The following EPHA10 variants were observed in gnomAD, a reference collection of about 807,000 sequenced individuals.
EPHA10 encodes EPH receptor A10, also known as ephrin type-A receptor 10.
Under a neutral mutation model 109.7 loss-of-function variants are expected in EPHA10, and 120 were observed. The ratio of observed to expected loss-of-function variants is 1.09; its 90% CI spans 0.94 to 1.27. The LOEUF is 1.27. Ranked by LOEUF, EPHA10 falls within the 50% of genes most tolerant of loss-of-function variation. The pLI is 0.00. For missense variants in EPHA10, 1,396 were observed against 1,411.1 expected, an observed-to-expected ratio of 0.99 and a Z score of 0.17; for synonymous variants, 640 against 618.9, an observed-to-expected ratio of 1.03 and a Z score of -0.51.
intron 3 of EPHA10, among the ~76,000 whole-genome samples, chr1:37,757,321 G>T (rs1442812178): frequency 6.6e-6 from 1 of 152,172 alleles, no homozygotes; most frequent in Non-Finnish European, 1.5e-5. Flanking sequence ...AGGGAAGCTT[G>T]TGTTAGCTGC....
rs1417904222 is a variant in EPHA10 at position 37,753,236 on chromosome 1, C to T, written c.1007-10G>A. On this transcript the variant is annotated splice_polypyrimidine_tract_variant and intron_variant, in intron 4 of 16. Transcript: ENST00000373048. ...GGCGCCGACGGCGGCCCTGAGGCGG[C>T]ACAGGGGCGGGGCGGTCAGGGCGGG... 3.1e-6 allele frequency: 4 copies of T among 1,299,506 alleles called. No individual in the cohort carries two copies. The highest frequency in any genetic ancestry group is 6.4e-5 in the East Asian group (2 of 31,114). The allele number at this position is 1,299,506 out of a possible 1,614,324, so 80.5% of individuals were successfully genotyped here.
chr1:37,757,880 C>G (rs1236401345), intron 3 of EPHA10, among the ~76,000 whole-genome samples: 2 of 152,204 alleles, frequency 1.3e-5, no homozygotes, highest in African/African-American at 4.8e-5. Context: ...TGATAATTCC[C>G]TCAACATCTG....
At chr1:37,755,657 A>G (rs1015626698) in intron 3 of EPHA10, among the ~76,000 whole-genome samples, 3 of 152,186 alleles carry the variant, frequency 2.0e-5, no homozygotes, top group Non-Finnish European at 2.9e-5. Context: ...ACCTACCTCA[A>G]AAAGGTTGTT....
chr1:37,731,588 G>A lies in EPHA10; in HGVS notation c.1492-6C>T. The A allele has an allele frequency of 6.2e-7, 1 of 1,600,050 alleles. No individual in the cohort carries two copies. Among genetic ancestry groups the A allele is most frequent in the South Asian group, 1.1e-5 (1 of 89,462 alleles). Reference sequence around the variant, plus strand: ...TAAGTCTGCTCACTCTGACCCTGGAGAGAGATCAAGAAGTGAAGCCCACCA... The same window carrying A: ...TAAGTCTGCTCACTCTGACCCTGGAAAGAGATCAAGAAGTGAAGCCCACCA... On this transcript the variant is annotated splice_polypyrimidine_tract_variant and splice_region_variant and intron_variant, in intron 6 of 16. Coordinates refer to ENST00000373048, the MANE Select transcript of EPHA10 (RefSeq NM_001099439.2).
In EPHA10 at chr1:37,719,432, G is replaced by A; in HGVS notation, c.2738C>T (p.Ala913Val). 1 of 1,613,256 alleles carries A rather than the reference G, an allele frequency of 6.2e-7. No individual in the cohort carries two copies. The highest frequency in any genetic ancestry group is 8.5e-7 in the Non-Finnish European group (1 of 1,179,956). ...MVQDPEPPKC[A>V]LTTCPRPPTP... The stretch of plus-strand genomic sequence containing the variant: ...AACGTACCTGGGACAGGTAGTCAGG[G>A]CACACTTGGGGGGCTCTGGGTCCTG... The change falls in exon 15 of 17, where the codon GCC becomes GTC. Residue 913 changes from alanine to valine, a missense_variant. By Grantham distance (64) the Ala-to-Val change is moderately conservative (BLOSUM62 0). Coordinates refer to ENST00000373048, the MANE Select transcript of EPHA10 (RefSeq NM_001099439.2).
At chr1:37,747,620 T>G (rs1277591032) in intron 5 of EPHA10, among the ~76,000 whole-genome samples, 1 of 147,686 alleles carries the variant, frequency 6.8e-6, no homozygotes, top group Non-Finnish European at 1.5e-5. Context: ...TCATAAAATA[T>G]AGCCGGGCAT....
downstream of EPHA10, chr1:37,714,638 G>C (rs1645665983): frequency 6.6e-6 from 1 of 152,196 alleles, no homozygotes; most frequent in Non-Finnish European, 1.5e-5. Context: ...CCCTTTAAAG[G>C]GGTGATTAAG....
intron 2 of EPHA10, 139 bp from the exon 3 acceptor site, chr1:37,762,222 T>C (rs1646440334): frequency 3.7e-6 from 3 of 808,576 alleles, no homozygotes; most frequent in Non-Finnish European, 5.6e-6. Flanking sequence ...GGGAGAAACT[T>C]TGGAAACAAA....
rs1442448354 is a variant in EPHA10, at chr1:37,718,480, C to T, written c.2919G>A (p.Leu973=). ...EAVAEMTAQD[L]VSLGISLAEH... ...CAGCCAAAGAGATGCCTAGGCTCACCAGGTCCCTGAAACAAAGGCTGGTCA... is the reference window on the plus strand; with the variant it reads ...CAGCCAAAGAGATGCCTAGGCTCACTAGGTCCCTGAAACAAAGGCTGGTCA... Residue 973 remains leucine (L), a synonymous_variant, in exon 17 of 17, where the codon CTG becomes CTA. Transcript: ENST00000373048. 1.9e-6 allele frequency: 3 copies of T among 1,613,422 alleles called. No individual in the cohort carries two copies. The African/African-American group carries it at 4.0e-5, about 21-fold the overall frequency.
rs1315427982 is a variant in EPHA10 at position 37,719,996 on chromosome 1, A to C, written c.2475T>G (p.Ser825=). 6.2e-7 allele frequency: 1 copy of C among 1,613,950 alleles called. No homozygotes were observed. Among genetic ancestry groups the C allele is most frequent in the Non-Finnish European group, 8.5e-7 (1 of 1,180,050 alleles). The change falls in exon 14 of 17, where the codon TCT becomes TCG. Residue 825 remains serine (S), a synonymous_variant. Coordinates refer to ENST00000373048, the MANE Select transcript of EPHA10 (RefSeq NM_001099439.2). The part of the protein sequence containing the change: ...PETLQFGHFS[S]ASDVWSFGII... ...TGCCGAAGCTCCACACGTCACTGGC[A>C]GAGCTGAAGTGGCCAAACTGAAGTG...
chr1:37,725,815 T>C (rs1323120422), intron 8 of EPHA10, among the ~76,000 whole-genome samples: 2 of 151,884 alleles, frequency 1.3e-5, no homozygotes, highest in Admixed American at 6.6e-5. Context: ...TGGTGAGAAG[T>C]GGGCAAGCTA....
Position 37,754,387 on chromosome 1 carries a change from G to A in EPHA10, c.851-17C>T. 1.5e-6 allele frequency: 2 copies of A among 1,291,590 alleles called. No homozygotes were observed. Among genetic ancestry groups the A allele is most frequent in the East Asian group, 3.1e-5 (1 of 32,086 alleles). The allele number at this position is 1,291,590 out of a possible 1,614,324, so 80.0% of individuals were successfully genotyped here. Reference sequence around the variant, plus strand: ...GGGGACAGGCTGCAGGGCATGGCTGGTGAGAAGAGGGGGCTCCTCCAGTTT... The same window carrying A: ...GGGGACAGGCTGCAGGGCATGGCTGATGAGAAGAGGGGGCTCCTCCAGTTT... On this transcript the variant is annotated splice_polypyrimidine_tract_variant and intron_variant, in intron 3 of 16. Transcript: ENST00000373048. This position sits in a 1 kb window ranked among gnomAD's most constrained non-coding sequence, Gnocchi z 4.5.
intron 7 of EPHA10, among the ~76,000 whole-genome samples, chr1:37,728,558 T>C (rs55981639): frequency 0.2 from 30,821 of 152,072 alleles, 3,477 homozygotes; most frequent in East Asian, 0.46. Context: ...GTCTGGGGAC[T>C]AGCAGGTGGG....
At chr1:37,758,631 C>T (rs1301055240) in intron 3 of EPHA10, among the ~76,000 whole-genome samples, 1 of 152,178 alleles carries the variant, frequency 6.6e-6, no homozygotes, top group African/African-American at 2.4e-5. Context: ...ACTCTGATCA[C>T]TCCCTCTCAG....
At position 37,720,851 on chromosome 1, in the gene EPHA10, C is replaced by G. The variant is rs1645781164; in HGVS notation, c.2147-7G>C. 6.2e-7 allele frequency: 1 copy of G among 1,613,888 alleles called. No individual in the cohort carries two copies. The highest frequency in any genetic ancestry group is 1.3e-5 in the African/African-American group (1 of 74,882). On this transcript the variant is annotated splice_region_variant and splice_polypyrimidine_tract_variant and intron_variant, in intron 11 of 16. Transcript: ENST00000373048. ...ACAATCATCAAGGTGCTTCCTGTGC[C>G]CAGGGATGGGAACACACATGCTAAG...
chr1:37,752,885 C>T lies in EPHA10; in HGVS notation c.1348G>A (p.Gly450Arg). ...TTYAQVTVSTGPGAPWEEDEI... is the reference protein window; with the variant it reads ...TTYAQVTVSTRPGAPWEEDEI... ...GCGCGGACGGCCTTACCCCCGGGCC[C>T]GGTGGAGACGGTGACCTGCGCGTAG... is the stretch of plus-strand genomic sequence containing the variant. Residue 450 changes from glycine (G) to arginine (R), a missense_variant, in exon 5 of 17, where the codon GGG becomes AGG. By Grantham distance (125) the Gly-to-Arg change is moderately radical. Coordinates refer to ENST00000373048, the MANE Select transcript of EPHA10 (RefSeq NM_001099439.2). 1 of 1,294,868 alleles carries T rather than the reference C, an allele frequency of 7.7e-7. No homozygotes were observed. The highest frequency in any genetic ancestry group is 9.8e-7 in the Non-Finnish European group (1 of 1,025,138). The allele number at this position is 1,294,868 out of a possible 1,614,324, so 80.2% of individuals were successfully genotyped here.
chr1:37,752,409 G>A (rs1345184238), intron 5 of EPHA10, among the ~76,000 whole-genome samples: 1 of 152,112 alleles, frequency 6.6e-6, no homozygotes, highest in Non-Finnish European at 1.5e-5. Context: ...GGCCGGATCC[G>A]GCTTCCCGAG....
At chr1:37,738,510 C>T (rs1256040457) in intron 5 of EPHA10, among the ~76,000 whole-genome samples, 1 of 152,154 alleles carries the variant, frequency 6.6e-6, no homozygotes, top group African/African-American at 2.4e-5. Flanking sequence ...TGGGACATAA[C>T]AAGTGTTGGC....
intron 6 of EPHA10, 69 bp from the exon 7 acceptor site, chr1:37,731,651 C>G: frequency 6.8e-7 from 1 of 1,478,568 alleles, no homozygotes; most frequent in East Asian, 2.4e-5. Flanking sequence ...AAAGGGTGAA[C>G]AGGAACAGGG....
Sources: allele counts gnomAD v4.1 joint callset (sites outside exome capture counted in the v4.1 genomes callset), GRCh38; gene constraint gnomAD v4.1.1; non-coding constraint Gnocchi (gnomAD v3.1); transcripts MANE v1.5; gene names NCBI Gene and HGNC (gene_info 2026-07-23, HGNC 2026-07-21).